The following GALNT13 variants were observed in gnomAD, a reference collection of about 807,000 sequenced individuals.
GALNT13 encodes the protein polypeptide N-acetylgalactosaminyltransferase 13.
In GALNT13, 28 loss-of-function variants were observed where a neutral mutation model predicts 64.2. The observed-to-expected ratio is 0.44, with a 90% CI of 0.32 to 0.60. The LOEUF (loss-of-function observed/expected upper bound fraction) is 0.60. Among genes scored for constraint, GALNT13 ranks in the 20% least tolerant of loss-of-function variants. The probability of loss-of-function intolerance (pLI) is 0.05; values close to 1 mark genes in which losing one functional copy is unlikely to be tolerated. For missense variants in GALNT13, 577 were observed against 669.8 expected (o/e 0.86, Z 1.53); for synonymous variants, 214 against 224.6 (o/e 0.95, Z 0.42).
the GALNT13 span, among the ~76,000 whole-genome samples, chr2:153,852,527 C>G: frequency 6.6e-6 from 1 of 152,086 alleles, no homozygotes; most frequent in Non-Finnish European, 1.5e-5. Flanking sequence ...ATGTATAGAA[C>G]TAAATGAGAA....
At chr2:153,359,630 C>A in the GALNT13 span, among the ~76,000 whole-genome samples, 176 of 38,240 alleles carry the variant, frequency 4.6e-3, 1 homozygote, top group Middle Eastern at 0.033. Context: ...CAGCTTTCAG[C>A]AAAAAAAAAA....
chr2:154,261,337 TC>T (rs1477066816), intron 8 of GALNT13, among the ~76,000 whole-genome samples: 1 of 152,202 alleles, frequency 6.6e-6, no homozygotes, highest in Non-Finnish European at 1.5e-5. Flanking sequence ...ATCTTTAGTT[TC>T]CATATGACTT....
chr2:154,119,135 T>C (rs1681780155), intron 3 of GALNT13, among the ~76,000 whole-genome samples: 1 of 152,168 alleles, frequency 6.6e-6, no homozygotes. Context: ...TTATACTCCC[T>C]TAGCTTTTGT....
chr2:153,080,306 A>G, the GALNT13 span, among the ~76,000 whole-genome samples: 1 of 152,156 alleles, frequency 6.6e-6, no homozygotes, highest in Non-Finnish European at 1.5e-5. Flanking sequence ...TTATTGATAA[A>G]TGTATTTATG....
chr2:153,918,223 A>G (rs1481159809), intron 2 of GALNT13, among the ~76,000 whole-genome samples: 2 of 152,154 alleles, frequency 1.3e-5, no homozygotes, highest in Admixed American at 1.3e-4. Flanking sequence ...TACAAAGTAA[A>G]AATATCTTTC....
chr2:153,710,347 C>A, the GALNT13 span, among the ~76,000 whole-genome samples: 1 of 152,000 alleles, frequency 6.6e-6, no homozygotes. Context: ...GAGATGATGT[C>A]ATCACACGTA....
chr2:153,305,017 G>GA, the GALNT13 span, among the ~76,000 whole-genome samples: 1 of 152,040 alleles, frequency 6.6e-6, no homozygotes, highest in African/African-American at 2.4e-5. Context: ...TACAGTTTTG[G>GA]AAAAATATAA....
chr2:154,180,256 C>A (rs1186377918), intron 4 of GALNT13, among the ~76,000 whole-genome samples: 1 of 151,936 alleles, frequency 6.6e-6, no homozygotes, highest in East Asian at 1.9e-4. Flanking sequence ...AGACTCATAA[C>A]AATATAGAAA....
At chr2:153,641,871 C>G in the GALNT13 span, among the ~76,000 whole-genome samples, 6 of 151,738 alleles carry the variant, frequency 4.0e-5, no homozygotes, top group Non-Finnish European at 8.8e-5. Context: ...ATTTATTAAC[C>G]AATTATTCCT....
intron 4 of GALNT13, among the ~76,000 whole-genome samples, chr2:154,152,326 G>T (rs930514143): frequency 6.6e-6 from 1 of 152,010 alleles, no homozygotes; most frequent in South Asian, 2.1e-4. Context: ...GCTTCCCTTT[G>T]TGGGTAACCC....
rs189553016 is a variant in GALNT13, at chr2:154,130,987, T to A, written c.143-9350T>A. 8.1e-3 allele frequency among the ~76,000 whole-genome samples: 1,226 copies of A among 150,630 alleles called. 17 individuals are homozygous for A. The highest frequency in any genetic ancestry group is 0.029 in the African/African-American group (1,162 of 40,186). On this transcript the variant is annotated intron_variant, in intron 3 of 12. Transcript: ENST00000392825. The stretch of plus-strand genomic sequence containing the variant: ...AATTCATGGTTATTTCAAAAAAAAA[T>A]TTTTTTTGGCAAAATGGGAAGAATG...
the GALNT13 span, among the ~76,000 whole-genome samples, chr2:153,294,920 CAA>C: frequency 6.6e-6 from 1 of 152,078 alleles, no homozygotes; most frequent in African/African-American, 2.4e-5. Flanking sequence ...CTTTAGACTC[CAA>C]GAACAAAAGA....
chr2:153,448,843 C>T, the GALNT13 span, among the ~76,000 whole-genome samples: 1 of 152,100 alleles, frequency 6.6e-6, no homozygotes, highest in Admixed American at 6.6e-5. Context: ...ATGTTGAAGC[C>T]CTAACCCTAA....
intron 3 of GALNT13, among the ~76,000 whole-genome samples, chr2:154,033,614 T>C (rs1698477733): frequency 6.6e-6 from 1 of 152,144 alleles, no homozygotes; most frequent in African/African-American, 2.4e-5. Flanking sequence ...CAAAATGAGA[T>C]ACCACTACAC....
the GALNT13 span, among the ~76,000 whole-genome samples, chr2:153,666,096 A>C: frequency 6.6e-6 from 1 of 151,850 alleles, no homozygotes; most frequent in African/African-American, 2.4e-5. Context: ...GGCCATGTCC[A>C]CTTGCAGTGC....
chr2:154,453,885 C>A lies in GALNT13; in HGVS notation c.*3334C>A, dbSNP rs940378344. ...AAATTTTAATTTTCTTCCTAATATT[C>A]TTCACATTAAACTATGGACTCTAAT... On this transcript the variant is annotated 3_prime_UTR_variant, in exon 13 of 13. Coordinates refer to ENST00000392825, the MANE Select transcript of GALNT13 (RefSeq NM_052917.4). 3.3e-5 allele frequency: 5 copies of A among 152,166 alleles called. No individual in the cohort carries two copies. The highest frequency in any genetic ancestry group is 9.6e-5 in the African/African-American group (4 of 41,524). The allele number at this position is 152,166 out of a possible 1,614,324, so 9.4% of individuals were successfully genotyped here.
chr2:154,408,470 T>C (rs188970812), intron 10 of GALNT13, among the ~76,000 whole-genome samples: 2 of 152,202 alleles, frequency 1.3e-5, no homozygotes, highest in Admixed American at 1.3e-4. Context: ...AATGTTTTAC[T>C]CACAGATATA....
the GALNT13 span, among the ~76,000 whole-genome samples, chr2:153,347,990 AG>A: frequency 6.6e-6 from 1 of 152,172 alleles, no homozygotes; most frequent in Non-Finnish European, 1.5e-5. Context: ...GTTTTTCTGA[AG>A]CAGTGCTCAG....
At chr2:153,718,252 T>A in the GALNT13 span, among the ~76,000 whole-genome samples, 1 of 152,066 alleles carries the variant, frequency 6.6e-6, no homozygotes, top group African/African-American at 2.4e-5. Context: ...AATGGTCCAA[T>A]GCAAAACACA....
Sources: gnomAD v4.1 joint callset for allele counts (sites outside exome capture counted in the v4.1 genomes callset) on GRCh38, gnomAD v4.1.1 for gene constraint, MANE v1.5 for transcripts, NCBI Gene and HGNC (gene_info 2026-07-23, HGNC 2026-07-21) for gene names.